Variants in AVPR2 observed in about 807,000 individuals in gnomAD.
The protein encoded by AVPR2 is vasopressin V2 receptor.
In AVPR2, 3 loss-of-function variants were observed where a neutral mutation model predicts 12.0. The observed-to-expected ratio is 0.25, with a 90% confidence interval of 0.11 to 0.64. AVPR2 has a LOEUF of 0.64. Among genes scored for constraint, AVPR2 ranks in the 30% least tolerant of loss-of-function variants. The pLI is 0.84. For missense variants in AVPR2, 279 were observed against 347.9 expected (o/e 0.80, Z 1.58); for synonymous variants, 143 against 147.5 (o/e 0.97, Z 0.22).
intron 1 of AVPR2, 21 bp downstream of exon 1, chrX:153,904,792 GC>G (rs2064951176): frequency 2.0e-5 from 7 of 357,566 alleles, no homozygotes; most frequent in East Asian, 5.1e-5. Flanking sequence ...GCGCCTGCCT[GC>G]CCCCCTGCCC....
In AVPR2 at chrX:153,905,991, T is replaced by C. The variant is rs374461463; in HGVS notation, c.485T>C (p.Val162Ala). Residue 162 changes from valine (V) to alanine (A), a missense_variant, in exon 3 of 4, where the codon GTG (valine) becomes GCG (alanine). Physicochemically the swap from Val to Ala is moderately conservative, Grantham distance 64 (BLOSUM62 0). Transcript: ENST00000646375. Reference protein sequence around the residue: ...SGAHWNRPVLVAWAFSLLLSL... With the variant: ...SGAHWNRPVLAAWAFSLLLSL... ...GCTCACTGGAACCGGCCGGTGCTAG[T>C]GGCTTGGGCCTTCTCGCTCCTTCTC... 94 of 1,203,775 alleles carry C rather than the reference T, an allele frequency of 7.8e-5. No homozygotes were observed. Among genetic ancestry groups the C allele is most frequent in the Non-Finnish European group, 9.2e-5 (82 of 895,451 alleles).
rs781950164 is a variant in AVPR2 at position 153,905,889 on chromosome X, A to T, written c.383A>T (p.Tyr128Phe). Residue 128 changes from tyrosine (Y) to phenylalanine (F), a missense_variant, in exon 3 of 4, where the codon TAC becomes TTC. Physicochemically the swap from Tyr to Phe is conservative, Grantham distance 22. Transcript: ENST00000646375. ...LQMVGMYASS[Y>F]MILAMTLDRH... is the part of the protein sequence containing the mutation. ...ATGGTGGGCATGTATGCCTCCTCCTACATGATCCTGGCCATGACGCTGGAC... is the reference window on the plus strand; with the variant it reads ...ATGGTGGGCATGTATGCCTCCTCCTTCATGATCCTGGCCATGACGCTGGAC... 3.6e-5 allele frequency: 43 copies of T among 1,203,302 alleles called. No individual in the cohort carries two copies. The South Asian group carries it at 7.5e-4, about 21-fold the overall frequency.
Position 153,906,039 on chromosome X carries a change from T to A in AVPR2, c.533T>A (p.Phe178Tyr). 1 of 1,210,180 alleles carries A rather than the reference T, an allele frequency of 8.3e-7. No individual in the cohort carries two copies. The highest frequency in any genetic ancestry group is 1.1e-6 in the Non-Finnish European group (1 of 895,581). ...LLLSLPQLFI[F>Y]AQRNVEGGSG... ...CTCAGCCTGCCCCAGCTCTTCATCT[T>A]CGCCCAGCGCAACGTGGAAGGTGGC... Residue 178 changes from phenylalanine to tyrosine, a missense_variant, in exon 3 of 4, where the codon TTC becomes TAC. Transcript: ENST00000646375.
At chrX:153,904,160 G>A (rs1288013148), upstream of AVPR2, among the ~76,000 whole-genome samples, 4 of 112,323 alleles carry the variant, frequency 3.6e-5, no homozygotes, top group South Asian at 3.7e-4. Flanking sequence ...GAGGGTGGGG[G>A]TGTCCCTGGA....
chrX:153,905,978 C>T lies in AVPR2; in HGVS notation c.472C>T (p.Arg158Trp), dbSNP rs1405690279. 1.8e-5 allele frequency: 22 copies of T among 1,204,583 alleles called. No homozygotes were observed. The highest frequency in any genetic ancestry group is 5.3e-5 in the South Asian group (3 of 57,011). The change falls in exon 3 of 4, where the codon CGG becomes TGG. Residue 158 changes from arginine (R) to tryptophan (W), a missense_variant. Physicochemically the swap from Arg to Trp is moderately radical, Grantham distance 101. Transcript: ENST00000646375. ...YRHGSGAHWN[R>W]PVLVAWAFSL... ...CCATGGAAGTGGGGCTCACTGGAACCGGCCGGTGCTAGTGGCTTGGGCCTT... is the reference window on the plus strand; with the variant it reads ...CCATGGAAGTGGGGCTCACTGGAACTGGCCGGTGCTAGTGGCTTGGGCCTT...
In AVPR2 at chrX:153,906,260, C is replaced by T. The variant is rs61733407; in HGVS notation, c.754C>T (p.Arg252Trp). 1.4e-3 allele frequency: 1,718 copies of T among 1,211,000 alleles called. 13 individuals are homozygous for T. In the African/African-American group the frequency reaches 0.026, roughly 18 times the overall value. The change falls in exon 3 of 4, where the codon CGG becomes TGG. Residue 252 changes from arginine to tryptophan, a missense_variant. Arg to Trp is a moderately radical substitution (Grantham distance 101). Transcript: ENST00000646375. The part of the protein sequence containing the change: ...ERPGGRRRGR[R>W]TGSPGEGAHV... ...GCCTGGGGGGCGCCGCAGGGGACGCCGGACAGGCAGCCCCGGTGAGGGAGC... is the reference window on the plus strand; with the variant it reads ...GCCTGGGGGGCGCCGCAGGGGACGCTGGACAGGCAGCCCCGGTGAGGGAGC...
Position 153,906,196 on chromosome X carries a change from G to T in AVPR2, c.690G>T (p.Arg230=), listed in dbSNP as rs1185637687. ...CCGCCTGCCAGGTGCTCATCTTCCG[G>T]GAGATTCATGCCAGTCTGGTGCCAG... The part of the protein sequence containing the change: ...GIAACQVLIF[R]EIHASLVPGP... The change falls in exon 3 of 4, where the codon CGG becomes CGT. Residue 230 remains arginine (R), a synonymous_variant. Transcript: ENST00000646375. The T allele has an allele frequency of 2.5e-6, 3 of 1,211,164 alleles. No homozygotes were observed. The African/African-American group carries it at 5.2e-5, about 21-fold the overall frequency.
In AVPR2 at chrX:153,905,572, C is replaced by T; in HGVS notation, c.66C>T (p.Asn22=). 8.3e-7 allele frequency: 1 copy of T among 1,203,071 alleles called. No homozygotes were observed. The highest frequency in any genetic ancestry group is 1.7e-5 in the African/African-American group (1 of 57,831). ...GHPSLPSLPS[N]SSQERPLDTR... ...CCTCTCTGCCCAGCCTGCCCAGCAA[C>T]AGCAGCCAGGAGAGGCCACTGGACA... Residue 22 remains asparagine (N), a synonymous_variant, in exon 3 of 4, where the codon AAC becomes AAT. Transcript: ENST00000646375.
intron 2 of AVPR2, 126 bp from the exon 3 acceptor site, chrX:153,905,406 G>C (rs1557100345): frequency 1.2e-6 from 1 of 853,902 alleles, no homozygotes; most frequent in Non-Finnish European, 1.7e-6. Flanking sequence ...TCATAACATG[G>C]CTTTCCTGGA....
In AVPR2 at chrX:153,905,849, G is replaced by A. The variant is rs782753911; in HGVS notation, c.343G>A (p.Val115Met). The A allele has an allele frequency of 7.5e-6, 9 of 1,204,800 alleles. No homozygotes were observed. Among genetic ancestry groups the A allele is most frequent in the Admixed American group, 4.3e-5 (2 of 46,099 alleles). The change falls in exon 3 of 4, where the codon GTG (valine) becomes ATG (methionine). Residue 115 changes from valine to methionine, a missense_variant. Physicochemically the swap from Val to Met is conservative, Grantham distance 21. Transcript: ENST00000646375. ...FRGPDALCRA[V>M]KYLQMVGMYA... ...TGGGCCAGATGCCCTGTGTCGGGCC[G>A]TGAAGTATCTGCAGATGGTGGGCAT...
chrX:153,905,680 G>A lies in AVPR2; in HGVS notation c.174G>A (p.Val58=), dbSNP rs201810684. 6.2e-4 allele frequency: 753 copies of A among 1,210,574 alleles called. 3 individuals carry two copies. The highest frequency in any genetic ancestry group is 1.8e-3 in the Admixed American group (82 of 46,051). The part of the protein sequence containing the change: ...FVAVALSNGL[V]LAALARRGRR... ...CTGTGGCCCTGAGCAATGGCCTGGT[G>A]CTGGCGGCCCTAGCTCGGCGGGGCC... The change falls in exon 3 of 4, where the codon GTG becomes GTA. Residue 58 remains valine (V), a synonymous_variant. Transcript: ENST00000646375.
chrX:153,905,797 G>A lies in AVPR2; in HGVS notation c.291G>A (p.Leu97=). Residue 97 remains leucine (L), a synonymous_variant, in exon 3 of 4, where the codon CTG becomes CTA. Coordinates refer to ENST00000646375, the MANE Select transcript of AVPR2 (RefSeq NM_000054.7). ...CTCTGTTCCAAGTGCTGCCCCAGCT[G>A]GCCTGGAAGGCCACCGACCGCTTCC... ...AVALFQVLPQ[L]AWKATDRFRG... 1 of 1,207,836 alleles carries A rather than the reference G, an allele frequency of 8.3e-7. No homozygotes were observed. Among genetic ancestry groups the A allele is most frequent in the African/African-American group, 1.7e-5 (1 of 57,996 alleles).
Position 153,905,575 on chromosome X carries a change from C to T in AVPR2, c.69C>T (p.Ser23=), listed in dbSNP as rs377144623. 20 of 1,202,371 alleles carry T rather than the reference C, an allele frequency of 1.7e-5. No homozygotes were observed. Among genetic ancestry groups the T allele is most frequent in the Non-Finnish European group, 2.1e-5 (19 of 891,451 alleles). Residue 23 remains serine (S), a synonymous_variant, in exon 3 of 4, where the codon AGC becomes AGT. Transcript: ENST00000646375. ...HPSLPSLPSN[S]SQERPLDTRD... The stretch of plus-strand genomic sequence containing the variant: ...CTCTGCCCAGCCTGCCCAGCAACAG[C>T]AGCCAGGAGAGGCCACTGGACACCC...
upstream of AVPR2, among the ~76,000 whole-genome samples, chrX:153,904,015 C>T (rs1204900186): frequency 1.8e-5 from 2 of 110,696 alleles, no homozygotes; most frequent in South Asian, 3.9e-4. Context: ...CATGAGCGAG[C>T]GTCTCTGTGT....
At position 153,906,949 on chromosome X, in the gene AVPR2, C is replaced by T. The variant is rs781793518; in HGVS notation, c.*221C>T. 4 of 489,520 alleles carry T rather than the reference C, an allele frequency of 8.2e-6. No homozygotes were observed. Among genetic ancestry groups the T allele is most frequent in the Non-Finnish European group, 1.5e-5 (4 of 275,063 alleles). The allele number at this position is 489,520 out of a possible 1,213,427, so 40.3% of individuals were successfully genotyped here. On this transcript the variant is annotated 3_prime_UTR_variant, in exon 4 of 4. Transcript: ENST00000646375. ...GCTTCAGGCCCCAGGACTGTGGGGGCCCCTCAGGTCAGCTCACTGAGCTGG... is the reference window on the plus strand; with the variant it reads ...GCTTCAGGCCCCAGGACTGTGGGGGTCCCTCAGGTCAGCTCACTGAGCTGG...
At position 153,906,421 on chromosome X, in the gene AVPR2, G is replaced by T. The variant is rs1557100963; in HGVS notation, c.910+5G>T. ...ACCCGGAGGCACCTCTGGAAGGTGG[G>T]TGTAGCCGTGGCTAGGGCTGACGGG... is the stretch of plus-strand genomic sequence containing the variant. On this transcript the variant is annotated splice_donor_5th_base_variant and intron_variant, in intron 3 of 3. Coordinates refer to ENST00000646375, the MANE Select transcript of AVPR2 (RefSeq NM_000054.7). 1 of 1,204,614 alleles carries T rather than the reference G, an allele frequency of 8.3e-7. No individual in the cohort carries two copies. Among genetic ancestry groups the T allele is most frequent in the African/African-American group, 1.7e-5 (1 of 57,372 alleles).
At position 153,906,059 on chromosome X, in the gene AVPR2, G is replaced by C; in HGVS notation, c.553G>C (p.Gly185Arg). ...LFIFAQRNVEGGSGVTDCWAC... is the reference protein window; with the variant it reads ...LFIFAQRNVERGSGVTDCWAC... ...CATCTTCGCCCAGCGCAACGTGGAA[G>C]GTGGCAGCGGGGTCACTGACTGCTG... Residue 185 changes from glycine (G) to arginine (R), a missense_variant, in exon 3 of 4, where the codon GGT becomes CGT. Gly to Arg is a moderately radical substitution (Grantham distance 125, BLOSUM62 -2). Transcript: ENST00000646375. 8.3e-7 allele frequency: 1 copy of C among 1,211,706 alleles called. No homozygotes were observed. The highest frequency in any genetic ancestry group is 1.1e-6 in the Non-Finnish European group (1 of 895,548).
At chrX:153,903,832 G>GCTGGC (rs1320755256), upstream of AVPR2, among the ~76,000 whole-genome samples, 20 of 107,614 alleles carry the variant, frequency 1.9e-4, no homozygotes, top group Non-Finnish European at 3.7e-4. Flanking sequence ...GCTGGGCTGG[G>GCTGGC]CTGGCCTCGG....
At chrX:153,902,899 A>T (rs192991392), upstream of AVPR2, 555 of 275,195 alleles carry the variant, frequency 2.0e-3, 2 homozygotes, top group African/African-American at 0.014. Context: ...AAAGGTTAGC[A>T]TGGATTCCTC....
Sources: allele counts gnomAD v4.1 joint callset (sites outside exome capture counted in the v4.1 genomes callset), GRCh38; gene constraint gnomAD v4.1.1; transcripts MANE v1.5; gene names NCBI Gene and HGNC (gene_info 2026-07-23, HGNC 2026-07-21).